FAM53A: variants seen among roughly 807,000 people sequenced by gnomAD.
FAM53A encodes the protein protein FAM53A.
Under a neutral mutation model 26.6 loss-of-function variants are expected in FAM53A, and 28 were observed. That is an observed-to-expected ratio of 1.05 (90% CI 0.78 to 1.45). The LOEUF (loss-of-function observed/expected upper bound fraction) is 1.45, where lower values mean the gene tolerates loss of function less well. Ranked by LOEUF, FAM53A falls within the 40% of genes most tolerant of loss-of-function variation. The pLI, the probability that FAM53A is intolerant of heterozygous loss-of-function variation, is 0.00. For synonymous variants in FAM53A, 290 were observed against 253.1 expected (o/e 1.15, Z -1.38); for missense variants, 650 against 575.8 (o/e 1.13, Z -1.32).
At chr4:1,586,432 T>G in the FAM53A span, among the ~76,000 whole-genome samples, 4 of 151,940 alleles carry the variant, frequency 2.6e-5, no homozygotes, top group African/African-American at 9.7e-5. Context: ...TGACCTCAGG[T>G]GGTCCACCCC....
At chr4:1,652,034 ACACACACACCACACACGC>A (rs1712847738) in intron 4 of FAM53A, among the ~76,000 whole-genome samples, 1 of 144,266 alleles carries the variant, frequency 6.9e-6, no homozygotes, top group Non-Finnish European at 1.5e-5. Flanking sequence ...CACACACGCC[ACACACACACCACACACGC>A]CACACACACA....
chr4:1,632,160 T>C (rs1248499396), intron 1 of FAM53A, among the ~76,000 whole-genome samples: 4 of 104,576 alleles, frequency 3.8e-5, no homozygotes, highest in African/African-American at 1.5e-4. Flanking sequence ...TAAGATTCCA[T>C]CTCAAAAAAA....
intron 1 of FAM53A, among the ~76,000 whole-genome samples, chr4:1,681,404 A>G (rs546296542): frequency 6.6e-6 from 1 of 152,178 alleles, no homozygotes; most frequent in South Asian, 2.1e-4. Context: ...CAGCCTCCCA[A>G]AGTGCTGGGA....
chr4:1,649,651 T>G (rs1712572377), intron 4 of FAM53A, among the ~76,000 whole-genome samples: 1 of 152,252 alleles, frequency 6.6e-6, no homozygotes, highest in Non-Finnish European at 1.5e-5. Flanking sequence ...GAGGCCCATG[T>G]GGCAAAGAAA....
chr4:1,681,658 A>G (rs798729), intron 1 of FAM53A, among the ~76,000 whole-genome samples: 57,775 of 151,320 alleles, frequency 0.38, 11,794 homozygotes, highest in African/African-American at 0.51. Flanking sequence ...CACCATACCC[A>G]GCTCATTTTT....
intron 4 of FAM53A, among the ~76,000 whole-genome samples, chr4:1,646,655 G>A (rs1712273882): frequency 6.6e-6 from 1 of 152,140 alleles, no homozygotes. Context: ...CTAAACCCAA[G>A]ACCTCCAAAA....
the FAM53A span, among the ~76,000 whole-genome samples, chr4:1,607,888 C>G: frequency 6.6e-6 from 1 of 151,124 alleles, no homozygotes; most frequent in Admixed American, 6.6e-5. Flanking sequence ...TGCAGTGAGC[C>G]GAGATCACGC....
chr4:1,624,420 C>T (rs571203783), intron 1 of FAM53A, among the ~76,000 whole-genome samples: 4 of 152,184 alleles, frequency 2.6e-5, no homozygotes, highest in Non-Finnish European at 5.9e-5. Flanking sequence ...GCCGTGACCC[C>T]CCGAACCACA....
At chr4:1,605,529 C>T in the FAM53A span, among the ~76,000 whole-genome samples, 1 of 152,310 alleles carries the variant, frequency 6.6e-6, no homozygotes, top group Non-Finnish European at 1.5e-5. This position sits in a 1 kb window ranked among gnomAD's most constrained non-coding sequence, Gnocchi z 5.7. Flanking sequence ...GGGGACGACG[C>T]GCAACCACTT....
chr4:1,591,001 T>TATATATAA, the FAM53A span, among the ~76,000 whole-genome samples: 2 of 125,738 alleles, frequency 1.6e-5, no homozygotes, highest in South Asian at 2.5e-4. Flanking sequence ...TATATATATA[T>TATATATAA]AATCATTCTA....
chr4:1,581,384 C>A, the FAM53A span, among the ~76,000 whole-genome samples: 10 of 152,326 alleles, frequency 6.6e-5, 1 homozygote, highest in South Asian at 2.1e-3. Context: ...TCATAATGTC[C>A]CCTCCCTTAC....
intron 1 of FAM53A, among the ~76,000 whole-genome samples, chr4:1,631,309 G>A (rs548256753): frequency 1.3e-5 from 2 of 152,370 alleles, no homozygotes; most frequent in South Asian, 4.1e-4. Flanking sequence ...GCTGTGGGCA[G>A]CAAAGGTCTC....
chr4:1,620,332 C>T lies in FAM53A; in HGVS notation c.432-2221G>A, dbSNP rs183667155. Reference sequence around the variant, plus strand: ...CTGTGGAAGGAAATGGCCCCTCCTCCGCAGACATCCCACAGAAGCACCTGA... The same window carrying T: ...CTGTGGAAGGAAATGGCCCCTCCTCTGCAGACATCCCACAGAAGCACCTGA... On this transcript the variant is annotated intron_variant, in intron 1 of 1. Coordinates refer to the FAM53A transcript ENST00000489029. 1.2e-4 allele frequency among the ~76,000 whole-genome samples: 19 copies of T among 152,254 alleles called. No individual in the cohort carries two copies. The East Asian group carries it at 2.9e-3, about 23-fold the overall frequency.
chr4:1,599,727 A>C, the FAM53A span, among the ~76,000 whole-genome samples: 1 of 151,612 alleles, frequency 6.6e-6, no homozygotes, highest in African/African-American at 2.4e-5. This position sits in a 1 kb window ranked among gnomAD's most constrained non-coding sequence, Gnocchi z 6.1. Flanking sequence ...CACACTAGTC[A>C]AACACACGTG....
At chr4:1,620,206 CA>C (rs58416333) in intron 1 of FAM53A, among the ~76,000 whole-genome samples, 22,639 of 122,686 alleles carry the variant, frequency 0.18, 3,442 homozygotes, top group African/African-American at 0.45. Flanking sequence ...GACTCTGTCT[CA>C]AAAAAAAAAA....
chr4:1,575,895 C>A, the FAM53A span, among the ~76,000 whole-genome samples: 1 of 152,136 alleles, frequency 6.6e-6, no homozygotes, highest in Admixed American at 6.5e-5. Context: ...CCTGGGGTCA[C>A]CAGGGGCACC....
chr4:1,655,747 CA>C, intron 3 of FAM53A, 24 bp from the exon 4 acceptor site: 1 of 1,521,474 alleles, frequency 6.6e-7, no homozygotes, highest in Non-Finnish European at 8.8e-7. Context: ...CACAAAGAGG[CA>C]GGGGAAGAGA....
At position 1,657,331 on chromosome 4, in the gene FAM53A, C is replaced by T. The variant is rs948715358; in HGVS notation, c.136+77G>A. The T allele has an allele frequency of 2.9e-5, 39 of 1,329,732 alleles. No homozygotes were observed. In the Admixed American group the frequency reaches 5.6e-4, roughly 19 times the overall value. The allele number at this position is 1,329,732 out of a possible 1,614,324, so 82.4% of individuals were successfully genotyped here. A position where few individuals can be genotyped will look rare whatever the true frequency, so the allele number is the denominator to read the frequency against. On this transcript the variant is annotated intron_variant, in intron 3 of 4. Transcript: ENST00000308132. ...TTCTGCAGATCCGGCTCATGTTCTG[C>T]GTCCAGGACCCTCCCAGCCCAGGAG... is the stretch of plus-strand genomic sequence containing the variant.
At chr4:1,645,445 A>T (rs1453624223) in intron 4 of FAM53A, among the ~76,000 whole-genome samples, 1 of 152,226 alleles carries the variant, frequency 6.6e-6, no homozygotes, top group African/African-American at 2.4e-5. Flanking sequence ...GGCACATGAA[A>T]AAACTGGCTG....
Sources: allele counts gnomAD v4.1 joint callset (sites outside exome capture counted in the v4.1 genomes callset), GRCh38; gene constraint gnomAD v4.1.1; non-coding constraint Gnocchi (gnomAD v3.1); transcripts MANE v1.5; gene names NCBI Gene and HGNC (gene_info 2026-07-23, HGNC 2026-07-21).